SLC26A11: variants seen among roughly 807,000 people sequenced by gnomAD.
SLC26A11 encodes the protein sodium-independent sulfate anion transporter.
Under a neutral mutation model 62.2 loss-of-function variants are expected in SLC26A11, and 58 were observed. The observed-to-expected ratio is 0.93, with a 90% CI of 0.76 to 1.16. The LOEUF is 1.16. Among genes scored for constraint, SLC26A11 ranks in the 50% most tolerant of loss-of-function variants. The pLI is 0.00. For synonymous variants in SLC26A11, 411 were observed against 368.9 expected, an observed-to-expected ratio of 1.11 and a Z score of -1.31; for missense variants, 790 against 794.3, an observed-to-expected ratio of 0.99 and a Z score of 0.06.
chr17:80,236,970 A>T lies in SLC26A11; in HGVS notation c.779A>T (p.Tyr260Phe). The T allele has an allele frequency of 6.2e-7, 1 of 1,613,086 alleles. No homozygotes were observed. Among genetic ancestry groups the T allele is most frequent in the South Asian group, 1.1e-5 (1 of 91,018 alleles). ...LVVSFAALVAYSFEVTGYQPF... is the reference protein window; with the variant it reads ...LVVSFAALVAFSFEVTGYQPF... ...GTCTCCTTCGCAGCCCTGGTTGCGT[A>T]CTCCTTCGAGGTGACTGGATACCAG... The change falls in exon 8 of 18, where the codon TAC (tyrosine) becomes TTC (phenylalanine). Residue 260 changes from tyrosine (Y) to phenylalanine (F), a missense_variant. Coordinates refer to ENST00000361193, the MANE Select transcript of SLC26A11 (RefSeq NM_001166347.2).
intron 7 of SLC26A11, among the ~76,000 whole-genome samples, chr17:80,230,254 A>G (rs1049162645): frequency 3.3e-5 from 5 of 151,300 alleles, no homozygotes; most frequent in African/African-American, 1.2e-4. Context: ...TGTTTTTCAG[A>G]GACTTGTTTT....
chr17:80,242,909 AT>A (rs947271859), intron 10 of SLC26A11, among the ~76,000 whole-genome samples: 4 of 152,030 alleles, frequency 2.6e-5, no homozygotes, highest in Non-Finnish European at 4.4e-5. Context: ...GGGTTTCACC[AT>A]ATTGATCAGG....
intron 8 of SLC26A11, 110 bp from the exon 9 acceptor site, chr17:80,237,412 C>A: frequency 9.7e-7 from 1 of 1,025,696 alleles, no homozygotes; most frequent in Non-Finnish European, 1.4e-6. Flanking sequence ...AGCTGACAAG[C>A]ACTTGCTCCT....
chr17:80,221,069 C>G lies in SLC26A11; in HGVS notation c.-60C>G. ...GGTGCGCAGTTGGAAAACCTCGGAG[C>G]CCCGCTGGATCTCCTGGCTGCCACC... On this transcript the variant is annotated 5_prime_UTR_variant, in exon 2 of 18. Transcript: ENST00000361193. 6.5e-6 allele frequency: 1 copy of G among 153,576 alleles called. No homozygotes were observed. The highest frequency in any genetic ancestry group is 1.4e-5 in the Non-Finnish European group (1 of 69,042). The allele number at this position is 153,576 out of a possible 1,614,324, so 9.5% of individuals were successfully genotyped here. A position where few individuals can be genotyped will look rare whatever the true frequency, so the allele number is the denominator to read the frequency against.
intron 6 of SLC26A11, among the ~76,000 whole-genome samples, chr17:80,227,267 C>T (rs4889999): frequency 0.17 from 26,081 of 152,180 alleles, 2,832 homozygotes; most frequent in East Asian, 0.59. Flanking sequence ...TCAAAGCCAT[C>T]CCAGGCTGCA....
At position 80,233,325 on chromosome 17, in the gene SLC26A11, G is replaced by A. The variant is rs148373414; in HGVS notation, c.737-3603G>A. 2.9e-3 allele frequency among the ~76,000 whole-genome samples: 445 copies of A among 152,036 alleles called. 4 individuals carry two copies. The highest frequency in any genetic ancestry group is 0.01 in the African/African-American group (428 of 41,502). On this transcript the variant is annotated intron_variant, in intron 7 of 17. Transcript: ENST00000361193. ...ATTTTTTAAATTTTTTTATAGAAACGGGCTATGTTGCTCAGGCTGATCAAA... is the reference window on the plus strand; with the variant it reads ...ATTTTTTAAATTTTTTTATAGAAACAGGCTATGTTGCTCAGGCTGATCAAA...
rs376614967 is a variant in SLC26A11 at position 80,222,840 on chromosome 17, G to A, written c.420G>A (p.Leu140=). The A allele has an allele frequency of 1.9e-5, 31 of 1,613,778 alleles. No individual in the cohort carries two copies. The highest frequency in any genetic ancestry group is 1.8e-4 in the South Asian group (16 of 91,082). The stretch of plus-strand genomic sequence containing the variant: ...GCATCCAGCTGGCCATGGGGGTCCT[G>A]CGTTTGGGTGAGGCTCTACCTTCTT... ...SGCIQLAMGV[L]RLGFLLDFIS... is the part of the protein sequence containing the mutation. The change falls in exon 4 of 18, where the codon CTG becomes CTA. Residue 140 remains leucine (L), a synonymous_variant. Coordinates refer to ENST00000361193, the MANE Select transcript of SLC26A11 (RefSeq NM_001166347.2). This position sits in a 1 kb window ranked among gnomAD's most constrained non-coding sequence, Gnocchi z 4.7.
rs756400489 is a variant in SLC26A11, at chr17:80,246,171, A to G, written c.1115A>G (p.Gln372Arg). The change falls in exon 12 of 18, where the codon CAG becomes CGG. Residue 372 changes from glutamine (Q) to arginine (R), a missense_variant. By Grantham distance (43) the Gln-to-Arg change is conservative (BLOSUM62 1). Transcript: ENST00000361193. This position sits in a 1 kb window ranked among gnomAD's most constrained non-coding sequence, Gnocchi z 4.4. Reference sequence around the variant, plus strand: ...CCTTCCAGGACAGCCGTGAACGCTCAGTCGGGGGTGTGCACCCCGGCGGGG... The same window carrying G: ...CCTTCCAGGACAGCCGTGAACGCTCGGTCGGGGGTGTGCACCCCGGCGGGG... ...GSFGRTAVNA[Q>R]SGVCTPAGGL... 4 of 1,613,144 alleles carry G rather than the reference A, an allele frequency of 2.5e-6. No individual in the cohort carries two copies. Among genetic ancestry groups the G allele is most frequent in the Non-Finnish European group, 2.5e-6 (3 of 1,179,976 alleles).
intron 7 of SLC26A11, among the ~76,000 whole-genome samples, chr17:80,232,495 T>C (rs1172031854): frequency 6.6e-6 from 1 of 152,190 alleles, no homozygotes; most frequent in Non-Finnish European, 1.5e-5. Context: ...CCTCAAGTGA[T>C]CCACCTGCCT....
rs753007585 is a variant in SLC26A11, at chr17:80,221,619, C to T, written c.59C>T (p.Pro20Leu). ...QARSSGPGMA[P>L]SACCCSPAAL... ...AGGTCCTCTGGCCCCGGGATGGCCC[C>T]GAGCGCCTGCTGCTGCTCCCCTGCG... Residue 20 changes from proline (P) to leucine (L), a missense_variant, in exon 3 of 18, where the codon CCG becomes CTG. Transcript: ENST00000361193. 5.6e-6 allele frequency: 9 copies of T among 1,609,476 alleles called. No homozygotes were observed. Among genetic ancestry groups the T allele is most frequent in the Middle Eastern group, 1.7e-4 (1 of 6,030 alleles).
chr17:80,244,886 G>C (rs1004784327), intron 10 of SLC26A11, among the ~76,000 whole-genome samples: 17 of 145,486 alleles, frequency 1.2e-4, no homozygotes, highest in African/African-American at 4.3e-4. Flanking sequence ...TGAGGCAGGA[G>C]AATCGCTTGA....
At chr17:80,241,903 G>A (rs1485591789) in intron 10 of SLC26A11, 82 bp downstream of exon 10, 3 of 1,446,316 alleles carry the variant, frequency 2.1e-6, no homozygotes, top group South Asian at 1.1e-5. Context: ...CTCCTGCATT[G>A]TAGGAAGACC....
chr17:80,238,258 C>A (rs1287565763), intron 9 of SLC26A11, among the ~76,000 whole-genome samples: 2 of 152,144 alleles, frequency 1.3e-5, no homozygotes, highest in Admixed American at 1.3e-4. Flanking sequence ...AAGGCTGAGG[C>A]AGGAGGATCA....
intron 6 of SLC26A11, 42 bp downstream of exon 6, chr17:80,225,958 T>C (rs373846387): frequency 2.6e-6 from 4 of 1,566,532 alleles, no homozygotes; most frequent in Non-Finnish European, 3.5e-6. Context: ...GGAAGCTCCT[T>C]CTTCCACACC....
chr17:80,225,786 G>A (rs1232207089), intron 5 of SLC26A11, 51 bp from the exon 6 acceptor site: 4 of 1,523,330 alleles, frequency 2.6e-6, no homozygotes, highest in Non-Finnish European at 9.1e-7. Flanking sequence ...GGGGACAGAT[G>A]GCCTTGGTTT....
Position 80,252,095 on chromosome 17 carries a change from C to T in SLC26A11, c.1730-530C>T, listed in dbSNP as rs1488959652. The stretch of plus-strand genomic sequence containing the variant: ...GGGCGCTGACCCTTGAGACAGCAAT[C>T]GCAGGAGGTCTGAGCCGCAGCAGGT... On this transcript the variant is annotated intron_variant, in intron 17 of 17. Coordinates refer to ENST00000361193, the MANE Select transcript of SLC26A11 (RefSeq NM_001166347.2). This position sits in a 1 kb window ranked among gnomAD's most constrained non-coding sequence, Gnocchi z 5.2. Among the ~76,000 whole-genome samples the T allele has an allele frequency of 6.6e-6, 1 of 152,074 alleles. No homozygotes were observed. The highest frequency in any genetic ancestry group is 1.5e-5 in the Non-Finnish European group (1 of 68,020).
intron 16 of SLC26A11, 28 bp from the exon 17 acceptor site, chr17:80,251,301 C>T: frequency 6.2e-7 from 1 of 1,613,946 alleles, no homozygotes; most frequent in Non-Finnish European, 8.5e-7. Flanking sequence ...AACATCCCTG[C>T]CCTGGCTAAA....
At chr17:80,233,120 A>G (rs1042519689) in intron 7 of SLC26A11, among the ~76,000 whole-genome samples, 3 of 147,040 alleles carry the variant, frequency 2.0e-5, no homozygotes, top group African/African-American at 7.4e-5. Flanking sequence ...ATGGTGGTGC[A>G]TGCCTGTAAT....
rs1051118050 is a variant in SLC26A11 at position 80,221,421 on chromosome 17, C to T, written c.-13-127C>T. 17 of 652,068 alleles carry T rather than the reference C, an allele frequency of 2.6e-5. No homozygotes were observed. The Admixed American group carries it at 2.7e-4, about 10-fold the overall frequency. The allele number at this position is 652,068 out of a possible 1,614,324, so 40.4% of individuals were successfully genotyped here. A position where few individuals can be genotyped will look rare whatever the true frequency, so the allele number is the denominator to read the frequency against. ...CACATTGTTGGCTTCCTCTTAGAGC[C>T]GTTCGCCCCCCTGGGGAGGGGAGAC... On this transcript the variant is annotated intron_variant, in intron 2 of 17. Transcript: ENST00000361193.
Sources: allele counts gnomAD v4.1 joint callset (sites outside exome capture counted in the v4.1 genomes callset), GRCh38; gene constraint gnomAD v4.1.1; non-coding constraint Gnocchi (gnomAD v3.1); transcripts MANE v1.5; gene names NCBI Gene and HGNC (gene_info 2026-07-23, HGNC 2026-07-21).